ME3: variants seen among roughly 807,000 people sequenced by gnomAD.
ME3 encodes malic enzyme 3.
A neutral mutation model predicts 68.9 loss-of-function variants in ME3; 48 were observed. The observed-to-expected ratio is 0.70, with a 90% CI of 0.55 to 0.89. The LOEUF is 0.89. Among genes scored for constraint, ME3 ranks in the 40% least tolerant of loss-of-function variants. ME3 has a pLI of 0.00. For synonymous variants in ME3, 320 were observed against 318.8 expected (o/e 1.00, Z -0.04); for missense variants, 675 against 797.4 (o/e 0.85, Z 1.85).
At chr11:86,459,787 G>T (rs1420801612) in intron 8 of ME3, among the ~76,000 whole-genome samples, 1 of 152,214 alleles carries the variant, frequency 6.6e-6, no homozygotes, top group African/African-American at 2.4e-5. Context: ...CTCACAGGGG[G>T]TGCTAATAGC....
intron 2 of ME3, among the ~76,000 whole-genome samples, chr11:86,582,597 T>C (rs1958505121): frequency 6.6e-6 from 1 of 152,128 alleles, no homozygotes. Flanking sequence ...GCTGACTTAT[T>C]AGTAAAGATA....
chr11:86,645,834 A>G (rs886795851), intron 2 of ME3, among the ~76,000 whole-genome samples: 2 of 152,148 alleles, frequency 1.3e-5, no homozygotes, highest in Non-Finnish European at 2.9e-5. Context: ...CCCCTCTGGG[A>G]TGAAGCTTCC....
intron 6 of ME3, among the ~76,000 whole-genome samples, chr11:86,489,452 A>T (rs1166992253): frequency 6.6e-6 from 1 of 152,220 alleles, no homozygotes; most frequent in Non-Finnish European, 1.5e-5. Flanking sequence ...CAGTGCCTCC[A>T]ATGTGTCATG....
intron 2 of ME3, among the ~76,000 whole-genome samples, chr11:86,566,981 G>T (rs547748002): frequency 6.6e-6 from 1 of 152,198 alleles, no homozygotes; most frequent in East Asian, 1.9e-4. Context: ...ACTTTGGGAG[G>T]CTGAGGCGGG....
intron 2 of ME3, among the ~76,000 whole-genome samples, chr11:86,582,034 A>G (rs545881430): frequency 3.9e-5 from 6 of 152,342 alleles, no homozygotes; most frequent in Non-Finnish European, 5.9e-5. Flanking sequence ...CCAGACTGTC[A>G]TTTTCCAAAA....
At chr11:86,587,766 G>A (rs933492170) in intron 2 of ME3, among the ~76,000 whole-genome samples, 17 of 152,218 alleles carry the variant, frequency 1.1e-4, no homozygotes, top group African/African-American at 3.9e-4. Context: ...GAGAATAACC[G>A]GTCTCTCTCA....
At chr11:86,537,454 C>T (rs1020331916) in intron 4 of ME3, among the ~76,000 whole-genome samples, 1 of 152,054 alleles carries the variant, frequency 6.6e-6, no homozygotes, top group Non-Finnish European at 1.5e-5. Context: ...GGCAGGAGGC[C>T]TGAGTTCTAG....
intron 4 of ME3, among the ~76,000 whole-genome samples, chr11:86,540,369 T>G (rs1336252877): frequency 1.3e-5 from 2 of 152,216 alleles, no homozygotes; most frequent in African/African-American, 4.8e-5. Flanking sequence ...CTCTCTTACA[T>G]GTTAGCCCTG....
At chr11:86,656,131 A>C (rs1374125402) in intron 2 of ME3, among the ~76,000 whole-genome samples, 1 of 129,988 alleles carries the variant, frequency 7.7e-6, no homozygotes, top group African/African-American at 2.6e-5. Flanking sequence ...AGAAATAGGA[A>C]CACTTTTACA....
rs140020492 is a variant in ME3 at position 86,551,580 on chromosome 11, G to A, written c.467+4973C>T. Among the ~76,000 whole-genome samples, 1,183 of 152,306 alleles carry A rather than the reference G, an allele frequency of 7.8e-3. 15 individuals are homozygous for A. The highest frequency in any genetic ancestry group is 0.027 in the African/African-American group (1,112 of 41,554). ...TGGTCAGCTGTGATGTCTTAGATAA[G>A]TCAGCTTTCGTTTTCATCTCAGTGA... On this transcript the variant is annotated intron_variant, in intron 4 of 14. Transcript: ENST00000543262.
At chr11:86,605,238 A>G (rs767434549) in intron 2 of ME3, among the ~76,000 whole-genome samples, 2 of 152,196 alleles carry the variant, frequency 1.3e-5, no homozygotes, top group Non-Finnish European at 2.9e-5. Flanking sequence ...CAAATTATTT[A>G]TCCATTCATT....
intron 2 of ME3, among the ~76,000 whole-genome samples, chr11:86,651,537 A>T (rs1291655142): frequency 1.3e-5 from 2 of 152,374 alleles, no homozygotes; most frequent in Non-Finnish European, 1.5e-5. Flanking sequence ...GAGGGTCCTG[A>T]CTGTTAGAAG....
intron 2 of ME3, among the ~76,000 whole-genome samples, chr11:86,599,914 C>T (rs1002317864): frequency 9.1e-4 from 139 of 152,028 alleles, no homozygotes; most frequent in Non-Finnish European, 1.2e-3. Context: ...ATTTTGTCAC[C>T]ACCAAGCCTG....
chr11:86,648,930 A>G (rs2135420245), intron 2 of ME3, among the ~76,000 whole-genome samples: 1 of 152,316 alleles, frequency 6.6e-6, no homozygotes, highest in Middle Eastern at 3.4e-3. Flanking sequence ...AACTATTCCA[A>G]GCAACAGAAA....
At chr11:86,563,538 A>G (rs11494275) in intron 2 of ME3, among the ~76,000 whole-genome samples, 36,017 of 152,086 alleles carry the variant, frequency 0.24, 4,872 homozygotes, top group Non-Finnish European at 0.31. Flanking sequence ...TGATGTTGAA[A>G]AGAGTATTTC....
At chr11:86,498,048 C>G in exon 6 of ME3, 1 of 1,613,776 alleles carries the variant, frequency 6.2e-7, no homozygotes, top group Non-Finnish European at 8.5e-7. Flanking sequence ...GGCCAGCTTG[C>G]CCACAGGGAT....
intron 2 of ME3, among the ~76,000 whole-genome samples, chr11:86,623,160 T>C (rs773246644): frequency 6.6e-6 from 1 of 152,168 alleles, no homozygotes; most frequent in Non-Finnish European, 1.5e-5. Context: ...AAGATCTGCG[T>C]CGTCTCATCT....
chr11:86,644,698 C>CTGTTA (rs1391081069), intron 2 of ME3, among the ~76,000 whole-genome samples: 1 of 152,162 alleles, frequency 6.6e-6, no homozygotes, highest in African/African-American at 2.4e-5. Flanking sequence ...TGTAGATTCC[C>CTGTTA]TGTTATTCTC....
intron 2 of ME3, among the ~76,000 whole-genome samples, chr11:86,576,971 A>G (rs1958151192): frequency 6.6e-6 from 1 of 152,138 alleles, no homozygotes; most frequent in Admixed American, 6.5e-5. Flanking sequence ...TTATGTTCCA[A>G]ACCCAATTCT....
Sources: gnomAD v4.1 joint callset for allele counts (sites outside exome capture counted in the v4.1 genomes callset) on GRCh38, gnomAD v4.1.1 for gene constraint, MANE v1.5 for transcripts, NCBI Gene and HGNC (gene_info 2026-07-23, HGNC 2026-07-21) for gene names.